FSIP2: variants seen among roughly 807,000 people sequenced by gnomAD.
FSIP2 encodes the protein fibrous sheath-interacting protein 2.
FSIP2 carries 367 observed loss-of-function variants against 510.5 expected under a neutral mutation model. The ratio of observed to expected loss-of-function variants is 0.72; its 90% confidence interval spans 0.66 to 0.78. The LOEUF (loss-of-function observed/expected upper bound fraction) is 0.78, where lower values mean the gene tolerates loss of function less well. FSIP2 is among the 30% of genes least tolerant of loss of function. The pLI is 0.00. For missense variants in FSIP2, 7,594 were observed against 7,901.7 expected (o/e 0.96, Z 1.48); for synonymous variants, 2,601 against 2,732.2 (o/e 0.95, Z 1.50).
intron 14 of FSIP2, among the ~76,000 whole-genome samples, chr2:185,785,866 A>AGAT (rs1317724107): frequency 6.6e-6 from 1 of 152,010 alleles, no homozygotes; most frequent in Non-Finnish European, 1.5e-5. Context: ...AGTCCTGGTC[A>AGAT]GATGCCTTGC....
Position 185,815,355 on chromosome 2 carries a change from A to T in FSIP2, c.20326-16A>T. The stretch of plus-strand genomic sequence containing the variant: ...CAAACTCCATTTAGTGTAATAGCTG[A>T]TTTGTCCTTTTCCAGAAAGAAGAAA... On this transcript the variant is annotated splice_polypyrimidine_tract_variant and intron_variant, in intron 18 of 22. Coordinates refer to ENST00000424728, the MANE Select transcript of FSIP2 (RefSeq NM_173651.4). 8.7e-7 allele frequency: 1 copy of T among 1,149,954 alleles called. No individual in the cohort carries two copies. The highest frequency in any genetic ancestry group is 1.3e-5 in the South Asian group (1 of 76,342). 71.2% of individuals were successfully genotyped at this position (1,149,954 alleles called of 1,614,324 possible). A position where few individuals can be genotyped will look rare whatever the true frequency, so the allele number is the denominator to read the frequency against.
rs1396731318 is a variant in FSIP2, at chr2:185,789,660, T to C, written c.2524T>C (p.Phe842Leu). Residue 842 changes from phenylalanine (F) to leucine (L), a missense_variant, in exon 16 of 23, where the codon TTT becomes CTT. Physicochemically the swap from Phe to Leu is conservative, Grantham distance 22 (BLOSUM62 0). Transcript: ENST00000424728. ...MTLVSFKQNEFLHLKDTNKLS... is the reference protein window; with the variant it reads ...MTLVSFKQNELLHLKDTNKLS... Reference sequence around the variant, plus strand: ...TCTTGTTTCTTTTAAGCAAAATGAATTTCTTCATCTTAAAGACACAAATAA... The same window carrying C: ...TCTTGTTTCTTTTAAGCAAAATGAACTTCTTCATCTTAAAGACACAAATAA... The C allele has an allele frequency of 2.6e-6, 4 of 1,534,120 alleles. No homozygotes were observed. The South Asian group carries it at 4.8e-5, about 18-fold the overall frequency.
At position 185,805,269 on chromosome 2, in the gene FSIP2, G is replaced by A; in HGVS notation, c.15963G>A (p.Arg5321=). The A allele has an allele frequency of 1.3e-6, 2 of 1,589,410 alleles. No individual in the cohort carries two copies. Among genetic ancestry groups the A allele is most frequent in the African/African-American group, 2.7e-5 (2 of 73,296 alleles). ...TAAAACTTGCAAATTCTCTGATAAG[G>A]GAATTTAAGAAAAGTGATATTAAAG... The part of the protein sequence containing the change: ...LALKLANSLI[R]EFKKSDIKVL... Residue 5321 remains arginine, a synonymous_variant, in exon 17 of 23, where the codon AGG becomes AGA. Transcript: ENST00000424728.
chr2:185,803,247 A>G lies in FSIP2; in HGVS notation c.13941A>G (p.Ile4647Met). 1 of 1,526,518 alleles carries G rather than the reference A, an allele frequency of 6.6e-7. No individual in the cohort carries two copies. The highest frequency in any genetic ancestry group is 8.7e-7 in the Non-Finnish European group (1 of 1,142,968). The allele number at this position is 1,526,518 out of a possible 1,614,324, so 94.6% of individuals were successfully genotyped here. A position where few individuals can be genotyped will look rare whatever the true frequency, so the allele number is the denominator to read the frequency against. ...TAGGCATTGTACAAACAAAATCCAT[A>G]AGAGATTCAGAAGATGAACTGTTTG... ...RVVGIVQTKS[I>M]RDSEDELFEK... Residue 4647 changes from isoleucine to methionine, a missense_variant, in exon 17 of 23, where the codon ATA becomes ATG. Coordinates refer to ENST00000424728, the MANE Select transcript of FSIP2 (RefSeq NM_173651.4).
In FSIP2 at chr2:185,801,342, C is replaced by A. The variant is rs1693430186; in HGVS notation, c.12036C>A (p.Asn4012Lys). 1 of 1,533,758 alleles carries A rather than the reference C, an allele frequency of 6.5e-7. No homozygotes were observed. Among genetic ancestry groups the A allele is most frequent in the Non-Finnish European group, 8.7e-7 (1 of 1,145,306 alleles). ...WLNEMNTLFV[N>K]NVVNEFNNAQ... ...ATGAGATGAATACATTATTTGTCAA[C>A]AATGTAGTGAATGAATTTAATAATG... The change falls in exon 17 of 23, where the codon AAC becomes AAA. Residue 4012 changes from asparagine to lysine, a missense_variant. By Grantham distance (94) the Asn-to-Lys change is moderately conservative. Transcript: ENST00000424728.
At chr2:185,750,925 GC>G (rs1692133442) in intron 7 of FSIP2, among the ~76,000 whole-genome samples, 1 of 151,212 alleles carries the variant, frequency 6.6e-6, no homozygotes, top group South Asian at 2.1e-4. Context: ...TTTCAAATTT[GC>G]TTTTATTGTA....
At chr2:185,739,230 C>G in intron 1 of FSIP2, 116 bp from the exon 2 acceptor site, 3 of 1,243,672 alleles carry the variant, frequency 2.4e-6, no homozygotes, top group Non-Finnish European at 3.2e-6. Flanking sequence ...TCAGGATGCC[C>G]CGAACCCTGA....
intron 19 of FSIP2, among the ~76,000 whole-genome samples, chr2:185,816,875 GA>G: frequency 6.7e-6 from 1 of 148,936 alleles, no homozygotes; most frequent in African/African-American, 2.5e-5. Context: ...GAGAGAGAGA[GA>G]GAGAAGACGA....
At chr2:185,824,184 A>G (rs1693973614) in intron 19 of FSIP2, among the ~76,000 whole-genome samples, 1 of 151,906 alleles carries the variant, frequency 6.6e-6, no homozygotes, top group Non-Finnish European at 1.5e-5. Context: ...AACACTGCAA[A>G]TGTACTTAAT....
At chr2:185,757,673 G>T (rs2105551028) in intron 9 of FSIP2, among the ~76,000 whole-genome samples, 1 of 107,666 alleles carries the variant, frequency 9.3e-6, no homozygotes, top group East Asian at 2.7e-4. Context: ...TGAGAAATTT[G>T]CCCCATACAG....
chr2:185,790,755 A>G lies in FSIP2; in HGVS notation c.3619A>G (p.Thr1207Ala). 1.3e-6 allele frequency: 2 copies of G among 1,532,462 alleles called. No individual in the cohort carries two copies. Among genetic ancestry groups the G allele is most frequent in the Non-Finnish European group, 1.7e-6 (2 of 1,144,262 alleles). 94.9% of individuals were successfully genotyped at this position (1,532,462 alleles called of 1,614,324 possible). A position where few individuals can be genotyped will look rare whatever the true frequency, so the allele number is the denominator to read the frequency against. The change falls in exon 16 of 23, where the codon ACT becomes GCT. Residue 1207 changes from threonine to alanine, a missense_variant. Coordinates refer to ENST00000424728, the MANE Select transcript of FSIP2 (RefSeq NM_173651.4). ...VHQISLHNSD[T>A]EHIVKEAPNK... Reference sequence around the variant, plus strand: ...TCAGATTTCCTTACATAATTCTGACACTGAACACATAGTCAAAGAAGCACC... The same window carrying G: ...TCAGATTTCCTTACATAATTCTGACGCTGAACACATAGTCAAAGAAGCACC...
chr2:185,802,860 C>T lies in FSIP2; in HGVS notation c.13554C>T (p.Ser4518=). 1 of 1,503,378 alleles carries T rather than the reference C, an allele frequency of 6.7e-7. No individual in the cohort carries two copies. Among genetic ancestry groups the T allele is most frequent in the Non-Finnish European group, 8.8e-7 (1 of 1,134,878 alleles). The allele number at this position is 1,503,378 out of a possible 1,614,324, so 93.1% of individuals were successfully genotyped here. The change falls in exon 17 of 23, where the codon TCC becomes TCT. Residue 4518 remains serine, a synonymous_variant. Coordinates refer to ENST00000424728, the MANE Select transcript of FSIP2 (RefSeq NM_173651.4). ...TTAGTGATATTAGGATGAAAGTTTCCCAACATGAAATTCGATTTTCAAAAG... is the reference window on the plus strand; with the variant it reads ...TTAGTGATATTAGGATGAAAGTTTCTCAACATGAAATTCGATTTTCAAAAG... ...NLVSDIRMKV[S]QHEIRFSKEE... is the part of the protein sequence containing the mutation.
At chr2:185,738,770 C>CG (rs1458250492), upstream of FSIP2, 5 of 1,535,912 alleles carry the variant, frequency 3.3e-6, no homozygotes, top group East Asian at 2.4e-5. Context: ...GCCTGGAACG[C>CG]GGGGGGCGGG....
Position 185,794,436 on chromosome 2 carries a change from G to T in FSIP2, c.7300G>T (p.Glu2434Ter). The T allele has an allele frequency of 6.6e-7, 1 of 1,511,350 alleles. No individual in the cohort carries two copies. Among genetic ancestry groups the T allele is most frequent in the Non-Finnish European group, 8.8e-7 (1 of 1,137,512 alleles). The allele number at this position is 1,511,350 out of a possible 1,614,324, so 93.6% of individuals were successfully genotyped here. A position where few individuals can be genotyped will look rare whatever the true frequency, so the allele number is the denominator to read the frequency against. Reference sequence around the variant, plus strand: ...AAATGAAATATTGCTGGGTCACAAAGAGAAGGAAAGAAGTACCAAACAATC... The same window carrying T: ...AAATGAAATATTGCTGGGTCACAAATAGAAGGAAAGAAGTACCAAACAATC... Reference protein sequence around the residue: ...LSNEILLGHKEKERSTKQSLF... With the variant: ...LSNEILLGHK The change falls in exon 16 of 23, where the codon GAG becomes TAG. Residue 2434 changes from glutamate (E) to a stop codon, truncating the protein, a stop_gained. Coordinates refer to ENST00000424728, the MANE Select transcript of FSIP2 (RefSeq NM_173651.4). LOFTEE classifies it high-confidence loss of function.
In FSIP2 at chr2:185,803,681, G is replaced by C. The variant is rs777295967; in HGVS notation, c.14375G>C (p.Ser4792Thr). The stretch of plus-strand genomic sequence containing the variant: ...ATGTATACCACTATGTTATCACATA[G>C]TCATTTGGAAAAAATAGTTACTCAG... ...STMYTTMLSH[S>T]HLEKIVTQLT... Residue 4792 changes from serine (S) to threonine (T), a missense_variant, in exon 17 of 23, where the codon AGT becomes ACT. Transcript: ENST00000424728. 20 of 1,531,972 alleles carry C rather than the reference G, an allele frequency of 1.3e-5. No homozygotes were observed. The highest frequency in any genetic ancestry group is 1.7e-5 in the Non-Finnish European group (19 of 1,144,328). The allele number at this position is 1,531,972 out of a possible 1,614,324, so 94.9% of individuals were successfully genotyped here.
chr2:185,745,596 T>C, intron 5 of FSIP2, 28 bp downstream of exon 5: 1 of 1,517,680 alleles, frequency 6.6e-7, no homozygotes, highest in Non-Finnish European at 8.8e-7. Flanking sequence ...GCATATTTTA[T>C]GGGTATGTTG....
chr2:185,775,587 C>T (rs1692699543), intron 13 of FSIP2, among the ~76,000 whole-genome samples: 1 of 152,008 alleles, frequency 6.6e-6, no homozygotes, highest in Non-Finnish European at 1.5e-5. Flanking sequence ...TCTAAGCTTC[C>T]ACAGAATTAA....
intron 9 of FSIP2, among the ~76,000 whole-genome samples, chr2:185,756,784 T>C (rs1345037083): frequency 6.6e-6 from 1 of 151,438 alleles, no homozygotes; most frequent in African/African-American, 2.4e-5. Flanking sequence ...TACCAGAGTA[T>C]GACTGTTCAA....
At position 185,795,426 on chromosome 2, in the gene FSIP2, C is replaced by T; in HGVS notation, c.8290C>T (p.Pro2764Ser). 6.5e-7 allele frequency: 1 copy of T among 1,534,690 alleles called. No individual in the cohort carries two copies. Among genetic ancestry groups the T allele is most frequent in the South Asian group, 1.2e-5 (1 of 84,036 alleles). ...FGKVKQTKAL[P>S]SDQIIAAGKI... ...AAAGGTAAAGCAAACCAAAGCTTTA[C>T]CATCTGATCAAATCATAGCAGCAGG... Residue 2764 changes from proline to serine, a missense_variant, in exon 16 of 23, where the codon CCA (proline) becomes TCA (serine). Transcript: ENST00000424728.
Sources: allele counts gnomAD v4.1 joint callset (sites outside exome capture counted in the v4.1 genomes callset), GRCh38; gene constraint gnomAD v4.1.1; transcripts MANE v1.5; gene names NCBI Gene and HGNC (gene_info 2026-07-23, HGNC 2026-07-21).